IFNAR2: variants seen among roughly 807,000 people sequenced by gnomAD.
IFNAR2 encodes the protein interferon alpha/beta receptor 2.
A neutral mutation model predicts 49.4 loss-of-function variants in IFNAR2; 30 were observed. The observed-to-expected ratio is 0.61, with a 90% CI of 0.45 to 0.82. IFNAR2 has a LOEUF of 0.82. IFNAR2 is among the 40% of genes least tolerant of loss of function. The pLI, the probability that IFNAR2 is intolerant of heterozygous loss-of-function variation, is 0.00. For synonymous variants in IFNAR2, 224 were observed against 234.5 expected (o/e 0.96, Z 0.41); for missense variants, 600 against 622.7 (o/e 0.96, Z 0.39).
chr21:33,258,854 C>T (rs1033482951), intron 7 of IFNAR2, among the ~76,000 whole-genome samples: 1 of 152,124 alleles, frequency 6.6e-6, no homozygotes, highest in African/African-American at 2.4e-5. Flanking sequence ...GAGCAGGTTG[C>T]TCTCCGTGAT....
chr21:33,262,780 T>A lies in IFNAR2; in HGVS notation c.841-13T>A, dbSNP rs1568897296. On this transcript the variant is annotated splice_polypyrimidine_tract_variant and intron_variant, in intron 8 of 8. Transcript: ENST00000342136. Reference sequence around the variant, plus strand: ...TGATACGGACTCTCTCTCTCTTTTTTTTTTTTTTTAAGAATTTTCATAACT... The same window carrying A: ...TGATACGGACTCTCTCTCTCTTTTTATTTTTTTTTAAGAATTTTCATAACT... The A allele has an allele frequency of 6.3e-7, 1 of 1,579,972 alleles. No individual in the cohort carries two copies.
At position 33,261,612 on chromosome 21, in the gene IFNAR2, C is replaced by T. The variant is rs193145517; in HGVS notation, c.840+885C>T. On this transcript the variant is annotated intron_variant, in intron 8 of 8. Coordinates refer to ENST00000342136, the MANE Select transcript of IFNAR2 (RefSeq NM_001289125.3). ...AAAAAGGACTAGGCACAGTGGCTCA[C>T]GCCTGTAATCTCAGCACTTTGGGAG... Among the ~76,000 whole-genome samples, 18 of 152,274 alleles carry T rather than the reference C, an allele frequency of 1.2e-4. No individual in the cohort carries two copies. In the East Asian group the frequency reaches 2.5e-3, roughly 21 times the overall value.
In IFNAR2 at chr21:33,237,264, G is replaced by T. The variant is rs1317611040; in HGVS notation, c.-83-4576G>T. ...GGGGTTGCCCTGGCTGGGCATGGTG[G>T]CTCACATCCATAATCCAAGCCCTTT... On this transcript the variant is annotated intron_variant, in intron 1 of 8. Transcript: ENST00000342136. Among the ~76,000 whole-genome samples the T allele has an allele frequency of 2.6e-5, 4 of 152,070 alleles. 1 individual carries two copies.
At chr21:33,254,725 C>T (rs2123510302) in intron 7 of IFNAR2, among the ~76,000 whole-genome samples, 1 of 152,304 alleles carries the variant, frequency 6.6e-6, no homozygotes, top group Middle Eastern at 3.4e-3. Context: ...AGCCCCCCCA[C>T]TTCGAATTGT....
At chr21:33,243,842 T>C in intron 3 of IFNAR2, 128 bp downstream of exon 3, 3 of 774,426 alleles carry the variant, frequency 3.9e-6, no homozygotes, top group Non-Finnish European at 6.9e-6. Context: ...TTATTGGGAT[T>C]CTTTCTCTGT....
chr21:33,254,006 A>T (rs763006648), intron 7 of IFNAR2, among the ~76,000 whole-genome samples: 1 of 151,824 alleles, frequency 6.6e-6, no homozygotes, highest in Non-Finnish European at 1.5e-5. Context: ...CCAGCTCAAG[A>T]TGGAGTTGCT....
At chr21:33,231,802 C>T (rs1296542590) in intron 1 of IFNAR2, 3 of 450,452 alleles carry the variant, frequency 6.7e-6, no homozygotes, top group Non-Finnish European at 8.8e-6. Flanking sequence ...AGTGCAGTGG[C>T]ACTGTCTTGG....
chr21:33,237,021 A>G (rs770010172), intron 1 of IFNAR2: 6 of 359,678 alleles, frequency 1.7e-5, no homozygotes, highest in Non-Finnish European at 2.3e-5. Flanking sequence ...CAAGTGAAGT[A>G]TAAGTCACCA....
chr21:33,250,618 A>G (rs1011289547), intron 6 of IFNAR2, among the ~76,000 whole-genome samples: 1 of 151,842 alleles, frequency 6.6e-6, no homozygotes, highest in Non-Finnish European at 1.5e-5. Context: ...GCTCACTGCA[A>G]CCTCCGCCTC....
At chr21:33,257,105 A>G (rs1988256397) in intron 7 of IFNAR2, among the ~76,000 whole-genome samples, 1 of 152,182 alleles carries the variant, frequency 6.6e-6, no homozygotes, top group African/African-American at 2.4e-5. Flanking sequence ...CCTGATCCCA[A>G]GGGGTTCTCG....
In IFNAR2 at chr21:33,258,453, C is replaced by G. The variant is rs17860239; in HGVS notation, c.710-2144C>G. ...GGGAAAGGCAAAGAAATGGGTTTTCCCCTAGAGCCTCCATAAGGAGTTCAG... is the reference window on the plus strand; with the variant it reads ...GGGAAAGGCAAAGAAATGGGTTTTCGCCTAGAGCCTCCATAAGGAGTTCAG... On this transcript the variant is annotated intron_variant, in intron 7 of 8. Coordinates refer to ENST00000342136, the MANE Select transcript of IFNAR2 (RefSeq NM_001289125.3). Among the ~76,000 whole-genome samples, 1,433 of 152,270 alleles carry G rather than the reference C, an allele frequency of 9.4e-3. 18 individuals are homozygous for G. Among genetic ancestry groups the G allele is most frequent in the African/African-American group, 0.031 (1,287 of 41,542 alleles).
chr21:33,244,618 C>G (rs2236756), intron 3 of IFNAR2, among the ~76,000 whole-genome samples: 1 of 151,864 alleles, frequency 6.6e-6, no homozygotes, highest in Non-Finnish European at 1.5e-5. Flanking sequence ...GGAAGTGCAT[C>G]ATGTGGGCTG....
intron 1 of IFNAR2, chr21:33,231,701 CT>C (rs1568872529): frequency 2.0e-6 from 2 of 983,972 alleles, no homozygotes; most frequent in African/African-American, 3.5e-5. Context: ...TATGTATCAT[CT>C]TCCGTTATCA....
intron 5 of IFNAR2, 133 bp from the exon 6 acceptor site, chr21:33,248,575 AG>A: frequency 3.0e-6 from 2 of 659,586 alleles, no homozygotes; most frequent in East Asian, 6.2e-5. Context: ...GAATAGCATT[AG>A]CAATGAAAAA....
intron 2 of IFNAR2, among the ~76,000 whole-genome samples, chr21:33,243,335 G>A (rs1017485250): frequency 3.3e-5 from 5 of 151,948 alleles, no homozygotes; most frequent in Admixed American, 2.0e-4. Flanking sequence ...CACCCACCTC[G>A]GCCTCCCAAA....
rs143313963 is a variant in IFNAR2 at position 33,260,246 on chromosome 21, A to G, written c.710-351A>G. Among the ~76,000 whole-genome samples the G allele has an allele frequency of 4.3e-3, 659 of 152,296 alleles. 2 individuals carry two copies. Among genetic ancestry groups the G allele is most frequent in the African/African-American group, 0.012 (505 of 41,566 alleles). On this transcript the variant is annotated intron_variant, in intron 7 of 8. Transcript: ENST00000342136. ...GCAGCGCATGCTAACCAGTGTGGCTACCGAACGTTTGAGATGTGTTTCATG... is the reference window on the plus strand; with the variant it reads ...GCAGCGCATGCTAACCAGTGTGGCTGCCGAACGTTTGAGATGTGTTTCATG...
rs908860359 is a variant in IFNAR2 at position 33,255,841 on chromosome 21, A to G, written c.709+3011A>G. 3.3e-5 allele frequency among the ~76,000 whole-genome samples: 5 copies of G among 152,294 alleles called. 1 individual carries two copies. Among genetic ancestry groups the G allele is most frequent in the South Asian group, 4.1e-4 (2 of 4,820 alleles). ...AGGGACCAGCCCTCATCCTGAAGCT[A>G]TCCACACCCTGCCCCATCACCTCAC... On this transcript the variant is annotated intron_variant, in intron 7 of 8. Transcript: ENST00000342136.
chr21:33,245,158 C>G (rs1446541924), intron 4 of IFNAR2, 84 bp downstream of exon 4: 6 of 992,798 alleles, frequency 6.0e-6, no homozygotes, highest in South Asian at 2.8e-5. Flanking sequence ...CTCTCTCTGT[C>G]TCTCCCTCTC....
At chr21:33,255,985 T>A (rs1988181929) in intron 7 of IFNAR2, among the ~76,000 whole-genome samples, 1 of 152,200 alleles carries the variant, frequency 6.6e-6, no homozygotes, top group South Asian at 2.1e-4. Flanking sequence ...AAAGACTGGA[T>A]ATATATGTAT....
Sources: allele counts gnomAD v4.1 joint callset (sites outside exome capture counted in the v4.1 genomes callset), GRCh38; gene constraint gnomAD v4.1.1; transcripts MANE v1.5; gene names NCBI Gene and HGNC (gene_info 2026-07-23, HGNC 2026-07-21).